The following PTPRN2 variants were observed in gnomAD, a reference collection of about 807,000 sequenced individuals.
The protein encoded by PTPRN2 is receptor-type tyrosine-protein phosphatase N2.
A neutral mutation model predicts 118.8 loss-of-function variants in PTPRN2; 74 were observed. That is an observed-to-expected ratio of 0.62 (90% CI 0.52 to 0.76). The LOEUF (loss-of-function observed/expected upper bound fraction) is 0.76, where lower values mean the gene tolerates loss of function less well. Ranked by LOEUF, PTPRN2 falls within the 30% of genes least tolerant of loss-of-function variation. The pLI is 0.00. For missense variants in PTPRN2, 1,481 were observed against 1,394.4 expected, an observed-to-expected ratio of 1.06 and a Z score of -0.99; for synonymous variants, 641 against 608.0, an observed-to-expected ratio of 1.05 and a Z score of -0.80.
At chr7:157,786,060 C>A (rs1486383925) in intron 12 of PTPRN2, among the ~76,000 whole-genome samples, 2 of 152,128 alleles carry the variant, frequency 1.3e-5, no homozygotes, top group Non-Finnish European at 2.9e-5. Flanking sequence ...CTGTGGGGCA[C>A]GAGCGTTAGC....
At chr7:158,356,141 G>C (rs1190636336) in intron 2 of PTPRN2, among the ~76,000 whole-genome samples, 2 of 152,134 alleles carry the variant, frequency 1.3e-5, no homozygotes, top group Non-Finnish European at 2.9e-5. Context: ...TCACAGTTGG[G>C]ATAAAGGACA....
At chr7:157,651,625 G>C (rs183573766) in intron 14 of PTPRN2, among the ~76,000 whole-genome samples, 6 of 152,254 alleles carry the variant, frequency 3.9e-5, no homozygotes, top group African/African-American at 1.2e-4. Flanking sequence ...AGGCAGAAAT[G>C]TCACCCTTCT....
intron 2 of PTPRN2, among the ~76,000 whole-genome samples, chr7:158,327,805 A>T (rs1354583690): frequency 6.6e-6 from 1 of 152,120 alleles, no homozygotes; most frequent in Non-Finnish European, 1.5e-5. Flanking sequence ...GTGCCCTGGG[A>T]CACTGGAGCT....
rs1416889016 is a variant in PTPRN2 at position 157,690,202 on chromosome 7, A to C, written c.1789-7265T>G. ...GCCAACCCTCCAAATCTGTGCGCTC[A>C]GAAGGAGCTGCCCTTTGCCCGCTCC... is the stretch of plus-strand genomic sequence containing the variant. On this transcript the variant is annotated intron_variant, in intron 12 of 22. Transcript: ENST00000389418. The surrounding 1 kb of genome is among the most constrained non-coding windows in gnomAD (Gnocchi z 7.1). Among the ~76,000 whole-genome samples the C allele has an allele frequency of 6.6e-6, 1 of 152,182 alleles. No homozygotes were observed. The highest frequency in any genetic ancestry group is 2.4e-5 in the African/African-American group (1 of 41,462).
At chr7:158,313,011 T>C (rs73510303) in intron 3 of PTPRN2, among the ~76,000 whole-genome samples, 33 of 151,858 alleles carry the variant, frequency 2.2e-4, no homozygotes, top group African/African-American at 7.7e-4. Flanking sequence ...TGTGCAGGTG[T>C]GTGCGTGTGT....
At chr7:157,653,697 G>A (rs919024280) in intron 14 of PTPRN2, among the ~76,000 whole-genome samples, 2 of 152,122 alleles carry the variant, frequency 1.3e-5, no homozygotes, top group Admixed American at 1.3e-4. Flanking sequence ...CTTGTAAAGT[G>A]AGCTCAGAGG....
chr7:158,218,742 C>A (rs1054634160), intron 3 of PTPRN2, among the ~76,000 whole-genome samples: 2 of 152,148 alleles, frequency 1.3e-5, no homozygotes, highest in Non-Finnish European at 2.9e-5. Context: ...GGAGAAAGAT[C>A]TATCTTGTAA....
intron 12 of PTPRN2, among the ~76,000 whole-genome samples, chr7:157,837,971 G>A (rs920000032): frequency 2.0e-5 from 3 of 151,690 alleles, no homozygotes; most frequent in East Asian, 1.9e-4. Context: ...TGGATGGCAC[G>A]GGAGAAAGCT....
intron 18 of PTPRN2, among the ~76,000 whole-genome samples, chr7:157,577,550 C>G (rs1167034575): frequency 6.6e-6 from 1 of 152,100 alleles, no homozygotes; most frequent in Admixed American, 6.5e-5. Flanking sequence ...CACGAAACTC[C>G]AAGCAGAGCC....
chr7:158,341,732 C>G (rs866898081), intron 2 of PTPRN2, among the ~76,000 whole-genome samples: 3 of 143,908 alleles, frequency 2.1e-5, no homozygotes, highest in Non-Finnish European at 4.6e-5. Flanking sequence ...CTGACGCCCG[C>G]AGACGTCACT....
intron 17 of PTPRN2, among the ~76,000 whole-genome samples, chr7:157,588,848 T>A (rs533552598): frequency 6.6e-6 from 1 of 152,160 alleles, no homozygotes; most frequent in East Asian, 1.9e-4. Context: ...GAATGGGCTT[T>A]GCCTCCCACC....
At chr7:157,648,906 G>A (rs1233433929) in intron 14 of PTPRN2, among the ~76,000 whole-genome samples, 7 of 130,502 alleles carry the variant, frequency 5.4e-5, no homozygotes, top group Non-Finnish European at 8.0e-5. Flanking sequence ...TCGGTGGGTT[G>A]GACCCTTTCA....
chr7:158,218,921 C>G lies in PTPRN2; in HGVS notation c.278-13648G>C, dbSNP rs550096294. On this transcript the variant is annotated intron_variant, in intron 3 of 22. Coordinates refer to ENST00000389418, the MANE Select transcript of PTPRN2 (RefSeq NM_002847.5). ...ATTTATGCACCCAACATTGGGGCACCCAGATTCATAAAACAAGTTCTTAGA... is the reference window on the plus strand; with the variant it reads ...ATTTATGCACCCAACATTGGGGCACGCAGATTCATAAAACAAGTTCTTAGA... 1.7e-4 allele frequency among the ~76,000 whole-genome samples: 26 copies of G among 152,192 alleles called. No individual in the cohort carries two copies. The South Asian group carries it at 5.2e-3, about 30-fold the overall frequency.
intron 2 of PTPRN2, among the ~76,000 whole-genome samples, chr7:158,331,322 G>A (rs1459843626): frequency 5.3e-5 from 5 of 94,184 alleles, no homozygotes; most frequent in Admixed American, 3.3e-4. Flanking sequence ...AAGAGCTGAG[G>A]CCCACAGAGG....
At position 157,801,046 on chromosome 7, in the gene PTPRN2, CATATATACACAT is replaced by C. The variant is rs567906359; in HGVS notation, c.1788+97615_1788+97626del. On this transcript the variant is annotated intron_variant, in intron 12 of 22. Coordinates refer to ENST00000389418, the MANE Select transcript of PTPRN2 (RefSeq NM_002847.5). The surrounding 1 kb of genome is among the most constrained non-coding windows in gnomAD (Gnocchi z 4.2). Reference sequence around the variant, plus strand: ...ACATATATATACACATATATATACACATATATACACATATATATACACATATATATACACACA... The same window carrying C: ...ACATATATATACACATATATATACACATATATACACATATATATACACACA... Among the ~76,000 whole-genome samples the C allele has an allele frequency of 7.3e-3, 1,068 of 146,938 alleles. 2 individuals carry two copies. The highest frequency in any genetic ancestry group is 0.011 in the Non-Finnish European group (757 of 65,954).
At chr7:157,899,056 C>T (rs767585668) in intron 11 of PTPRN2, among the ~76,000 whole-genome samples, 13 of 152,218 alleles carry the variant, frequency 8.5e-5, no homozygotes, top group Non-Finnish European at 1.9e-4. Context: ...CAAACTGCAA[C>T]GTCTTATTTT....
intron 4 of PTPRN2, among the ~76,000 whole-genome samples, chr7:158,203,789 T>C (rs1826866929): frequency 6.6e-6 from 1 of 152,226 alleles, no homozygotes; most frequent in Non-Finnish European, 1.5e-5. Context: ...AAAATAGAAA[T>C]TCAACACAGC....
chr7:158,098,266 G>A (rs924621999), intron 10 of PTPRN2, among the ~76,000 whole-genome samples: 1 of 152,222 alleles, frequency 6.6e-6, no homozygotes, highest in South Asian at 2.1e-4. Flanking sequence ...CGCAATGTGG[G>A]CAGGGGACCC....
chr7:157,901,888 TTCCCGTCCGTGTTTCCTGGGTCCTGAGGC>T (rs1797476707), intron 11 of PTPRN2, among the ~76,000 whole-genome samples: 3 of 146,740 alleles, frequency 2.0e-5, no homozygotes, highest in Admixed American at 6.8e-5. Context: ...AGGCGGGGCC[TTCCCGTCCGTGTTTCCTGGGTCCTGAGGC>T]GGGGCCTTCC....
Sources: gnomAD v4.1 joint callset for allele counts (sites outside exome capture counted in the v4.1 genomes callset) on GRCh38, gnomAD v4.1.1 for gene constraint, Gnocchi (gnomAD v3.1) non-coding constraint, MANE v1.5 for transcripts, NCBI Gene and HGNC (gene_info 2026-07-23, HGNC 2026-07-21) for gene names.